LDHC: variants seen among roughly 807,000 people sequenced by gnomAD.
LDHC encodes the protein lactate dehydrogenase C.
A neutral mutation model predicts 30.2 loss-of-function variants in LDHC; 20 were observed. The observed-to-expected ratio is 0.66, with a 90% CI of 0.47 to 0.96. The LOEUF is 0.96. LDHC is among the 40% of genes least tolerant of loss of function. The probability of loss-of-function intolerance (pLI) is 0.00; values close to 1 mark genes in which losing one functional copy is unlikely to be tolerated. For synonymous variants in LDHC, 139 were observed against 132.7 expected (o/e 1.05, Z -0.32); for missense variants, 362 against 394.9 (o/e 0.92, Z 0.71).
At chr11:18,417,883 A>G (rs1209938323) in intron 3 of LDHC, among the ~76,000 whole-genome samples, 1 of 152,142 alleles carries the variant, frequency 6.6e-6, no homozygotes, top group East Asian at 1.9e-4. Flanking sequence ...GCCAGAGGCA[A>G]CATAGTGAGA....
rs776111755 is a variant in LDHC at position 18,434,806 on chromosome 11, G to T, written c.485G>T (p.Gly162Val). Reference sequence around the variant, plus strand: ...CCTGTAACTCGTGTAATTGGAAGTGGTTGTAATCTAGACTCTGCCCGTTTC... The same window carrying T: ...CCTGTAACTCGTGTAATTGGAAGTGTTTGTAATCTAGACTCTGCCCGTTTC... ...GLPVTRVIGS[G>V]CNLDSARFRY... The change falls in exon 5 of 8, where the codon GGT becomes GTT. Residue 162 changes from glycine to valine, a missense_variant. Physicochemically the swap from Gly to Val is moderately radical, Grantham distance 109 (BLOSUM62 -3). Coordinates refer to ENST00000541669, the MANE Select transcript of LDHC (RefSeq NM_017448.5). The T allele has an allele frequency of 6.2e-7, 1 of 1,611,106 alleles. No homozygotes were observed. Among genetic ancestry groups the T allele is most frequent in the Non-Finnish European group, 8.5e-7 (1 of 1,177,294 alleles).
At chr11:18,446,466 T>A (rs929055012) in intron 7 of LDHC, 133 bp downstream of exon 7, 6 of 673,862 alleles carry the variant, frequency 8.9e-6, no homozygotes, top group African/African-American at 3.7e-5. Flanking sequence ...TGACCTCAGG[T>A]CAGGTCAAAA....
At chr11:18,425,006 A>T (rs566532233) in intron 3 of LDHC, among the ~76,000 whole-genome samples, 1 of 152,196 alleles carries the variant, frequency 6.6e-6, no homozygotes, top group Non-Finnish European at 1.5e-5. Flanking sequence ...ATCTCAAAAC[A>T]AAACAAAACA....
In LDHC at chr11:18,422,188, A is replaced by G. The variant is rs145551768; in HGVS notation, c.244+6887A>G. Reference sequence around the variant, plus strand: ...AGATAAACATACCTAATGAATTAAAAAGAAGATAGAAATATAAGAATAGGA... The same window carrying G: ...AGATAAACATACCTAATGAATTAAAGAGAAGATAGAAATATAAGAATAGGA... On this transcript the variant is annotated intron_variant, in intron 3 of 7. Coordinates refer to ENST00000541669, the MANE Select transcript of LDHC (RefSeq NM_017448.5). Among the ~76,000 whole-genome samples, 5 of 152,270 alleles carry G rather than the reference A, an allele frequency of 3.3e-5. No homozygotes were observed. In the East Asian group the frequency reaches 9.6e-4, roughly 29 times the overall value.
chr11:18,444,604 G>GTATAATATA (rs1848519225), intron 6 of LDHC, among the ~76,000 whole-genome samples: 1 of 89,308 alleles, frequency 1.1e-5, no homozygotes, highest in Non-Finnish European at 2.5e-5. Flanking sequence ...TGTTCAGGTG[G>GTATAATATA]TATATATATA....
At chr11:18,437,100 C>A (rs1305494477) in intron 5 of LDHC, among the ~76,000 whole-genome samples, 1 of 152,094 alleles carries the variant, frequency 6.6e-6, no homozygotes, top group Non-Finnish European at 1.5e-5. Flanking sequence ...TCATCTTATT[C>A]TGGAATGACA....
At chr11:18,445,449 G>T (rs555129731) in intron 6 of LDHC, among the ~76,000 whole-genome samples, 1 of 152,026 alleles carries the variant, frequency 6.6e-6, no homozygotes, top group East Asian at 1.9e-4. Flanking sequence ...CACCCACCTC[G>T]GCCTCCCAAA....
intron 4 of LDHC, among the ~76,000 whole-genome samples, chr11:18,434,152 T>A (rs1812398303): frequency 6.6e-6 from 1 of 152,120 alleles, no homozygotes; most frequent in Admixed American, 6.6e-5. Flanking sequence ...ATTTCCTGAA[T>A]TTTTTATTGT....
At chr11:18,436,694 C>T (rs1205295179) in intron 5 of LDHC, among the ~76,000 whole-genome samples, 2 of 151,916 alleles carry the variant, frequency 1.3e-5, no homozygotes, top group Non-Finnish European at 2.9e-5. Flanking sequence ...CCATGTTGGT[C>T]AGGCTGGTCT....
chr11:18,428,899 C>A (rs1848213516), intron 3 of LDHC, among the ~76,000 whole-genome samples: 1 of 150,244 alleles, frequency 6.7e-6, no homozygotes, highest in African/African-American at 2.4e-5. Flanking sequence ...AAAAGAAGAC[C>A]AGTATGAGTT....
chr11:18,425,780 A>G (rs766368145), intron 3 of LDHC, among the ~76,000 whole-genome samples: 3 of 151,826 alleles, frequency 2.0e-5, no homozygotes, highest in Non-Finnish European at 2.9e-5. Context: ...TCTACTAAAA[A>G]TAAAAAAAAA....
At chr11:18,440,160 A>AAT (rs1848440015) in intron 6 of LDHC, among the ~76,000 whole-genome samples, 1 of 149,908 alleles carries the variant, frequency 6.7e-6, no homozygotes. Context: ...AAAAAAAAAA[A>AAT]AAAATTAGCC....
chr11:18,444,604 G>GTGTATATATATATA (rs1848518977), intron 6 of LDHC, among the ~76,000 whole-genome samples: 1 of 89,308 alleles, frequency 1.1e-5, no homozygotes, highest in Non-Finnish European at 2.5e-5. Flanking sequence ...TGTTCAGGTG[G>GTGTATATATATATA]TATATATATA....
chr11:18,441,989 A>G (rs1848474715), intron 6 of LDHC, among the ~76,000 whole-genome samples: 1 of 152,186 alleles, frequency 6.6e-6, no homozygotes, highest in Non-Finnish European at 1.5e-5. Context: ...ACACTCAGTT[A>G]CACAGAAGGA....
chr11:18,451,387 A>T lies in LDHC; in HGVS notation c.*260A>T, dbSNP rs1430342653. The T allele has an allele frequency of 4.3e-6, 1 of 234,572 alleles. No individual in the cohort carries two copies. The highest frequency in any genetic ancestry group is 2.3e-5 in the African/African-American group (1 of 43,982). The allele number at this position is 234,572 out of a possible 1,614,324, so 14.5% of individuals were successfully genotyped here. ...TTCTGAGGTATGTCACATATGTTAG[A>T]GTGCCTTCAGATGTAGTAGAATATG... On this transcript the variant is annotated 3_prime_UTR_variant, in exon 8 of 8. Transcript: ENST00000541669.
rs1457142859 is a variant in LDHC at position 18,440,948 on chromosome 11, AAAT to A, written c.710+2306_710+2308del. Among the ~76,000 whole-genome samples, 16 of 147,358 alleles carry A rather than the reference AAAT, an allele frequency of 1.1e-4. No individual in the cohort carries two copies. In the South Asian group the frequency reaches 3.4e-3, roughly 31 times the overall value. ...AGAAAAATCCTGTCTCTAAAAAAAT[AAAT>A]AAATAAAATAAAATAAATTAAAAAA... On this transcript the variant is annotated intron_variant, in intron 6 of 7. Coordinates refer to ENST00000541669, the MANE Select transcript of LDHC (RefSeq NM_017448.5).
At chr11:18,413,082 C>A (rs1214990677) in intron 2 of LDHC, among the ~76,000 whole-genome samples, 1 of 137,960 alleles carries the variant, frequency 7.2e-6, no homozygotes, top group Non-Finnish European at 1.6e-5. Flanking sequence ...TTCTGACTTT[C>A]CTTTTCTTTT....
At position 18,412,694 on chromosome 11, in the gene LDHC, C is replaced by T; in HGVS notation, c.-9-15C>T. The T allele has an allele frequency of 6.2e-7, 1 of 1,607,092 alleles. No individual in the cohort carries two copies. The highest frequency in any genetic ancestry group is 8.5e-7 in the Non-Finnish European group (1 of 1,175,220). On this transcript the variant is annotated splice_polypyrimidine_tract_variant and intron_variant, in intron 1 of 7. Transcript: ENST00000541669. The stretch of plus-strand genomic sequence containing the variant: ...CAGTGTGGTTAATCCAATGAAATTG[C>T]ATTATCCCTATCAGGTTCTCCAAAT...
rs1444607423 is a variant in LDHC, at chr11:18,436,717, G to A, written c.592+1804G>A. On this transcript the variant is annotated intron_variant, in intron 5 of 7. Coordinates refer to ENST00000541669, the MANE Select transcript of LDHC (RefSeq NM_017448.5). ...GTCAGGCTGGTCTCGAACTCTTGAC[G>A]TCAGGTGATCCACCCGCCACAGCCT... 5.3e-5 allele frequency among the ~76,000 whole-genome samples: 8 copies of A among 151,602 alleles called. No individual in the cohort carries two copies. In the South Asian group the frequency reaches 1.3e-3, roughly 24 times the overall value.
Sources: allele counts gnomAD v4.1 joint callset (sites outside exome capture counted in the v4.1 genomes callset), GRCh38; gene constraint gnomAD v4.1.1; transcripts MANE v1.5; gene names NCBI Gene and HGNC (gene_info 2026-07-23, HGNC 2026-07-21).